The following RCAN2 variants were observed in gnomAD, a reference collection of about 807,000 sequenced individuals.
RCAN2 encodes the protein calcipressin-2.
RCAN2 carries 9 observed loss-of-function variants against 23.6 expected under a neutral mutation model. The observed-to-expected ratio is 0.38, with a 90% confidence interval of 0.23 to 0.67. The LOEUF (loss-of-function observed/expected upper bound fraction) is 0.67, where lower values mean the gene tolerates loss of function less well. RCAN2 is among the 30% of genes least tolerant of loss of function. RCAN2 has a pLI of 0.51. For synonymous variants in RCAN2, 109 were observed against 115.7 expected (o/e 0.94, Z 0.37); for missense variants, 273 against 302.3 (o/e 0.90, Z 0.72).
chr6:46,311,800 T>A (rs926082448), intron 2 of RCAN2, among the ~76,000 whole-genome samples: 1 of 152,222 alleles, frequency 6.6e-6, no homozygotes, highest in Non-Finnish European at 1.5e-5. Flanking sequence ...TCTGGTCATT[T>A]ATTTAAAGGA....
intron 2 of RCAN2, among the ~76,000 whole-genome samples, chr6:46,263,485 GTGTGTGTGTATGTGTGTA>G (rs1767192145): frequency 1.4e-5 from 2 of 144,984 alleles, no homozygotes; most frequent in African/African-American, 5.2e-5. Context: ...ATGTGTGTGT[GTGTGTGTGTATGTGTGTA>G]TGTGTGTGTA....
At chr6:46,307,668 G>A (rs1210467988) in intron 2 of RCAN2, among the ~76,000 whole-genome samples, 1 of 152,130 alleles carries the variant, frequency 6.6e-6, no homozygotes, top group African/African-American at 2.4e-5. Context: ...ATTCTAGTGA[G>A]AGGAGACATA....
chr6:46,432,937 T>A (rs747143855), intron 2 of RCAN2, among the ~76,000 whole-genome samples: 1 of 152,216 alleles, frequency 6.6e-6, no homozygotes, highest in Non-Finnish European at 1.5e-5. Context: ...GAAACATTTT[T>A]AACAAAATCA....
intron 2 of RCAN2, among the ~76,000 whole-genome samples, chr6:46,339,451 G>A (rs564490073): frequency 1.3e-3 from 193 of 151,858 alleles, no homozygotes; most frequent in African/African-American, 4.2e-3. Flanking sequence ...ATATATAAAC[G>A]GGGGCATAGA....
chr6:46,271,962 G>T (rs891723775), intron 2 of RCAN2, among the ~76,000 whole-genome samples: 2 of 152,048 alleles, frequency 1.3e-5, no homozygotes, highest in Non-Finnish European at 2.9e-5. Context: ...GTAGTAATTG[G>T]GCCAAGGTAA....
intron 4 of RCAN2, among the ~76,000 whole-genome samples, chr6:46,231,395 G>A (rs962823551): frequency 1.3e-5 from 2 of 151,004 alleles, no homozygotes; most frequent in African/African-American, 2.4e-5. Context: ...TGTCATAAAT[G>A]CCACTCGGTT....
intron 2 of RCAN2, among the ~76,000 whole-genome samples, chr6:46,344,848 A>C (rs1764434617): frequency 6.6e-6 from 1 of 151,804 alleles, no homozygotes. Context: ...AAGATGACAG[A>C]TTAAACTCAA....
chr6:46,448,555 T>A (rs1767780740), intron 2 of RCAN2, among the ~76,000 whole-genome samples: 1 of 151,854 alleles, frequency 6.6e-6, no homozygotes, highest in South Asian at 2.1e-4. Flanking sequence ...ATATCCCTAA[T>A]GAACACAGAT....
At chr6:46,247,013 G>A (rs1044915523) in intron 3 of RCAN2, 94 bp from the exon 4 acceptor site, 9 of 1,088,798 alleles carry the variant, frequency 8.3e-6, no homozygotes, top group Non-Finnish European at 1.2e-5. Context: ...TTCAGCCTGC[G>A]ACAAATGAAC....
intron 2 of RCAN2, among the ~76,000 whole-genome samples, chr6:46,447,343 T>TAGAGAGAGAATAG (rs989790467): frequency 2.6e-5 from 4 of 151,824 alleles, no homozygotes; most frequent in African/African-American, 4.8e-5. Context: ...TTAATAGATC[T>TAGAGAGAGAATAG]AGAGAGAGAA....
chr6:46,413,830 C>T (rs893104945), intron 2 of RCAN2, among the ~76,000 whole-genome samples: 1 of 152,118 alleles, frequency 6.6e-6, no homozygotes, highest in African/African-American at 2.4e-5. Flanking sequence ...GATGAGGCTT[C>T]CTTGAATGAG....
rs1041579664 is a variant in RCAN2, at chr6:46,335,558, G to C, written c.226-86662C>G. Reference sequence around the variant, plus strand: ...TTTCAAATGATTCCATGGAAAGGACGCTCCTCCTTCTCCCAAGCAGTCTTG... The same window carrying C: ...TTTCAAATGATTCCATGGAAAGGACCCTCCTCCTTCTCCCAAGCAGTCTTG... On this transcript the variant is annotated intron_variant, in intron 2 of 4. Coordinates refer to ENST00000371374, the MANE Select transcript of RCAN2 (RefSeq NM_001251974.2). Among the ~76,000 whole-genome samples, 3 of 152,148 alleles carry C rather than the reference G, an allele frequency of 2.0e-5. No homozygotes were observed. The South Asian group carries it at 6.2e-4, about 32-fold the overall frequency.
At chr6:46,274,632 A>C (rs568015289) in intron 2 of RCAN2, among the ~76,000 whole-genome samples, 2 of 152,292 alleles carry the variant, frequency 1.3e-5, no homozygotes, top group Admixed American at 1.3e-4. Context: ...CCTGTGCCTC[A>C]CCACCTGGAG....
intron 2 of RCAN2, among the ~76,000 whole-genome samples, chr6:46,341,444 G>A (rs1230719439): frequency 6.6e-6 from 1 of 152,166 alleles, no homozygotes; most frequent in African/African-American, 2.4e-5. Flanking sequence ...GAAAGTTTAC[G>A]AATTTGTGTT....
intron 2 of RCAN2, among the ~76,000 whole-genome samples, chr6:46,292,452 TG>T (rs545187961): frequency 2.4e-5 from 3 of 123,640 alleles, no homozygotes; most frequent in Non-Finnish European, 5.3e-5. Context: ...TTTTTTTTGG[TG>T]GGGGGGTTGC....
At chr6:46,489,307 T>C (rs1283559393) in intron 1 of RCAN2, among the ~76,000 whole-genome samples, 1 of 152,254 alleles carries the variant, frequency 6.6e-6, no homozygotes, top group Admixed American at 6.5e-5. Flanking sequence ...ACACTCATGA[T>C]GTTGAATCAT....
intron 2 of RCAN2, among the ~76,000 whole-genome samples, chr6:46,327,765 G>A (rs114876094): frequency 0.022 from 3,354 of 152,196 alleles, 59 homozygotes; most frequent in Non-Finnish European, 0.034. Context: ...TTTAGCATTC[G>A]TCAATTTCTA....
chr6:46,350,573 C>T (rs1367908854), intron 2 of RCAN2, among the ~76,000 whole-genome samples: 4 of 152,130 alleles, frequency 2.6e-5, no homozygotes, highest in Admixed American at 6.5e-5. Flanking sequence ...CTCTATGTGC[C>T]GAGAATAGAA....
rs1765507979 is a variant in RCAN2 at position 46,222,416 on chromosome 6, G to T, written c.*725C>A. 1 of 155,022 alleles carries T rather than the reference G, an allele frequency of 6.5e-6. No homozygotes were observed. The highest frequency in any genetic ancestry group is 1.4e-5 in the Non-Finnish European group (1 of 69,776). The allele number at this position is 155,022 out of a possible 1,614,324, so 9.6% of individuals were successfully genotyped here. A position where few individuals can be genotyped will look rare whatever the true frequency, so the allele number is the denominator to read the frequency against. On this transcript the variant is annotated 3_prime_UTR_variant, in exon 5 of 5. Transcript: ENST00000371374. ...ACCCTGGACAAGCCTCCCCAACGAGGCTGGGAGAGTTCTACAGGGGAGTGG... is the reference window on the plus strand; with the variant it reads ...ACCCTGGACAAGCCTCCCCAACGAGTCTGGGAGAGTTCTACAGGGGAGTGG...
Sources: gnomAD v4.1 joint callset for allele counts (sites outside exome capture counted in the v4.1 genomes callset) on GRCh38, gnomAD v4.1.1 for gene constraint, MANE v1.5 for transcripts, NCBI Gene and HGNC (gene_info 2026-07-23, HGNC 2026-07-21) for gene names.